Variants in LMTK2 observed in about 807,000 individuals in gnomAD.
The protein encoded by LMTK2 is serine/threonine-protein kinase LMTK2.
A neutral mutation model predicts 127.5 loss-of-function variants in LMTK2; 37 were observed. That is an observed-to-expected ratio of 0.29 (90% CI 0.22 to 0.38). The LOEUF is 0.38. Among genes scored for constraint, LMTK2 ranks in the 10% least tolerant of loss-of-function variants. The pLI is 1.00. For missense variants in LMTK2, 1,694 were observed against 1,920.3 expected, an observed-to-expected ratio of 0.88 and a Z score of 2.20; for synonymous variants, 819 against 810.1, an observed-to-expected ratio of 1.01 and a Z score of -0.19.
At chr7:98,173,578 T>A (rs2116428530) in intron 7 of LMTK2, among the ~76,000 whole-genome samples, 1 of 152,340 alleles carries the variant, frequency 6.6e-6, no homozygotes, top group Admixed American at 6.5e-5. Context: ...CAATGTAAAA[T>A]TATCAAAGAC....
intron 1 of LMTK2, among the ~76,000 whole-genome samples, chr7:98,123,803 T>G (rs1796403473): frequency 6.6e-6 from 1 of 152,228 alleles, no homozygotes; most frequent in Non-Finnish European, 1.5e-5. Context: ...TCTTTCCATC[T>G]AAAGCTTCTA....
intron 7 of LMTK2, among the ~76,000 whole-genome samples, chr7:98,172,794 G>A (rs143820763): frequency 0.017 from 2,513 of 152,254 alleles, 45 homozygotes; most frequent in South Asian, 0.033. Flanking sequence ...CGGAGTCTCT[G>A]TCGCCCAGGC....
At chr7:98,191,345 A>C (rs980028750) in intron 10 of LMTK2, among the ~76,000 whole-genome samples, 2 of 152,074 alleles carry the variant, frequency 1.3e-5, no homozygotes, top group African/African-American at 4.8e-5. Flanking sequence ...CGAGGTGAGG[A>C]GTTCAAGACC....
chr7:98,157,251 CGGTAGGTAGGTA>C (rs60034734), intron 5 of LMTK2, among the ~76,000 whole-genome samples: 4,112 of 142,004 alleles, frequency 0.029, 76 homozygotes, highest in African/African-American at 0.055. Flanking sequence ...GACCCTGTCT[CGGTAGGTAGGTA>C]GGTAGGTAGG....
At chr7:98,150,272 C>T (rs897121943) in intron 3 of LMTK2, among the ~76,000 whole-genome samples, 1 of 148,416 alleles carries the variant, frequency 6.7e-6, no homozygotes, top group Non-Finnish European at 1.5e-5. Flanking sequence ...CGCGCCACTG[C>T]ACTCCAGCCT....
At position 98,125,614 on chromosome 7, in the gene LMTK2, A is replaced by G. The variant is rs1199841638; in HGVS notation, c.104-11701A>G. 2.0e-5 allele frequency among the ~76,000 whole-genome samples: 3 copies of G among 152,260 alleles called. No homozygotes were observed. In the East Asian group the frequency reaches 5.8e-4, roughly 29 times the overall value. ...CCTCTTAACTATTTGGGGGTATTTT[A>G]TCTTGGGCTGGATACCTGAGTATCT... On this transcript the variant is annotated intron_variant, in intron 1 of 13. Coordinates refer to ENST00000297293, the MANE Select transcript of LMTK2 (RefSeq NM_014916.4).
intron 3 of LMTK2, among the ~76,000 whole-genome samples, chr7:98,146,188 G>T (rs1057434959): frequency 6.6e-6 from 1 of 152,102 alleles, no homozygotes; most frequent in Admixed American, 6.5e-5. Flanking sequence ...CTGTATGTCT[G>T]TCCCTGTGCC....
At chr7:98,197,117 C>G (rs1213208771) in intron 11 of LMTK2, among the ~76,000 whole-genome samples, 1 of 152,202 alleles carries the variant, frequency 6.6e-6, no homozygotes, top group African/African-American at 2.4e-5. Flanking sequence ...GGTTATATTA[C>G]TATTTGTCAG....
chr7:98,205,427 C>G, intron 13 of LMTK2, 37 bp from the exon 14 acceptor site: 1 of 1,613,472 alleles, frequency 6.2e-7, no homozygotes, highest in South Asian at 1.1e-5. Flanking sequence ...ATTTTAAAAA[C>G]CCAGCTTTGT....
At chr7:98,145,545 C>T (rs1796760535) in intron 3 of LMTK2, among the ~76,000 whole-genome samples, 1 of 152,098 alleles carries the variant, frequency 6.6e-6, no homozygotes. Flanking sequence ...GGAGGAAATC[C>T]AACTTCAGCT....
In LMTK2 at chr7:98,204,001, C is replaced by A. The variant is rs1797748681; in HGVS notation, c.4298C>A (p.Thr1433Lys). ...CCAGATCCTTTTATGTCAAAGACAA[C>A]AAGTAACCTGCTCAGCTCCAAGCCT... is the stretch of plus-strand genomic sequence containing the variant. ...FSPDPFMSKT[T>K]SNLLSSKPSL... The change falls in exon 13 of 14, where the codon ACA (threonine) becomes AAA (lysine). Residue 1433 changes from threonine (T) to lysine (K), a missense_variant. Around this residue, in one of 8 missense-constraint regions of LMTK2, gnomAD observed 554 missense variants for 567.7 expected, o/e 0.98. Coordinates refer to ENST00000297293, the MANE Select transcript of LMTK2 (RefSeq NM_014916.4). 1 of 1,614,072 alleles carries A rather than the reference C, an allele frequency of 6.2e-7. No homozygotes were observed. Among genetic ancestry groups the A allele is most frequent in the African/African-American group, 1.3e-5 (1 of 74,924 alleles).
Position 98,106,932 on chromosome 7 carries a change from G to A in LMTK2, c.-246G>A, listed in dbSNP as rs1345609964. ...GGCCCGCCGCTCCGCAGGGCTGCTG[G>A]CGTTGCTGCTGTTGAGAGGCGGCGG... On this transcript the variant is annotated 5_prime_UTR_variant, in exon 1 of 14. The change creates a premature stop within an existing upstream ORF in the 5' untranslated region. Coordinates refer to ENST00000297293, the MANE Select transcript of LMTK2 (RefSeq NM_014916.4). 1.9e-5 allele frequency: 9 copies of A among 462,718 alleles called. No homozygotes were observed. The highest frequency in any genetic ancestry group is 4.1e-5 in the African/African-American group (2 of 48,890). The allele number at this position is 462,718 out of a possible 1,614,324, so 28.7% of individuals were successfully genotyped here.
chr7:98,107,209 T>G lies in LMTK2; in HGVS notation c.32T>G (p.Leu11Arg), dbSNP rs548021046. ...GGGCCGCCGGCGTTGCGGCGGAGGC[T>G]GCTGCTGCTGCTGCTGGTCCTCCTG... is the stretch of plus-strand genomic sequence containing the variant. MPGPPALRRR[L>R]LLLLLVLLIA... Residue 11 changes from leucine to arginine, a missense_variant, in exon 1 of 14, where the codon CTG becomes CGG. Coordinates refer to ENST00000297293, the MANE Select transcript of LMTK2 (RefSeq NM_014916.4). 4.1e-4 allele frequency: 526 copies of G among 1,294,538 alleles called. 4 individuals are homozygous for G. The African/African-American group carries it at 7.3e-3, about 18-fold the overall frequency. 80.2% of individuals were successfully genotyped at this position (1,294,538 alleles called of 1,614,324 possible). A position where few individuals can be genotyped will look rare whatever the true frequency, so the allele number is the denominator to read the frequency against.
chr7:98,134,804 C>T (rs1796576285), intron 1 of LMTK2, among the ~76,000 whole-genome samples: 1 of 152,180 alleles, frequency 6.6e-6, no homozygotes. Context: ...AAGCTCCTCA[C>T]TTAGTTTAGG....
chr7:98,137,804 A>G (rs991182029), intron 2 of LMTK2, among the ~76,000 whole-genome samples: 1 of 152,198 alleles, frequency 6.6e-6, no homozygotes, highest in African/African-American at 2.4e-5. Context: ...CTGAGTGAGG[A>G]GTGAAGCGTG....
At chr7:98,166,111 C>T (rs1797094799) in intron 6 of LMTK2, among the ~76,000 whole-genome samples, 1 of 152,266 alleles carries the variant, frequency 6.6e-6, no homozygotes, top group Admixed American at 6.5e-5. Flanking sequence ...CCTCGGCTGC[C>T]TCTGGCCAGG....
chr7:98,144,407 T>A (rs1328519545), intron 3 of LMTK2, among the ~76,000 whole-genome samples: 1 of 149,620 alleles, frequency 6.7e-6, no homozygotes, highest in East Asian at 2.0e-4. Flanking sequence ...CACTCCAGGC[T>A]AGGGGACAAA....
intron 3 of LMTK2, among the ~76,000 whole-genome samples, chr7:98,147,212 T>C (rs1024444855): frequency 6.6e-6 from 1 of 152,110 alleles, no homozygotes; most frequent in Non-Finnish European, 1.5e-5. Context: ...AGTATGGATC[T>C]CTTTGAGTTT....
At chr7:98,154,719 T>G (rs879434688) in intron 4 of LMTK2, 39 bp from the exon 5 acceptor site, 6 of 1,325,302 alleles carry the variant, frequency 4.5e-6, no homozygotes, top group African/African-American at 1.5e-5. Flanking sequence ...CTTTATCATT[T>G]TGATGGAAAT....
Sources: allele counts gnomAD v4.1 joint callset (sites outside exome capture counted in the v4.1 genomes callset), GRCh38; gene constraint gnomAD v4.1.1; regional missense constraint gnomAD v4.1.1; transcripts MANE v1.5; gene names NCBI Gene and HGNC (gene_info 2026-07-23, HGNC 2026-07-21).